CDH12: variants seen among roughly 807,000 people sequenced by gnomAD.
The protein encoded by CDH12 is cadherin 12.
Under a neutral mutation model 74.1 loss-of-function variants are expected in CDH12, and 41 were observed. That is an observed-to-expected ratio of 0.55 (90% CI 0.43 to 0.72). The LOEUF is 0.72. CDH12 is among the 30% of genes least tolerant of loss of function. CDH12 has a pLI of 0.00. For synonymous variants in CDH12, 399 were observed against 355.0 expected (o/e 1.12, Z -1.39); for missense variants, 945 against 977.2 (o/e 0.97, Z 0.44).
At chr5:21,804,643 A>AACACACACACAC (rs11281181) in intron 9 of CDH12, among the ~76,000 whole-genome samples, 42 of 115,364 alleles carry the variant, frequency 3.6e-4, no homozygotes, top group African/African-American at 1.3e-3. Context: ...AGTGAATTAA[A>AACACACACACAC]ACACACACAC....
intron 6 of CDH12, among the ~76,000 whole-genome samples, chr5:21,923,046 A>G (rs1362660256): frequency 1.3e-5 from 2 of 152,070 alleles, no homozygotes; most frequent in Non-Finnish European, 2.9e-5. Context: ...CAATTTAAAC[A>G]CATATTTAAG....
intron 5 of CDH12, among the ~76,000 whole-genome samples, chr5:22,035,488 A>G (rs961249776): frequency 6.6e-5 from 10 of 152,052 alleles, no homozygotes; most frequent in African/African-American, 2.4e-4. Flanking sequence ...AAAACTGTAA[A>G]TAACTACATA....
At chr5:22,842,423 C>T (rs1169750097) in intron 1 of CDH12, among the ~76,000 whole-genome samples, 1 of 151,970 alleles carries the variant, frequency 6.6e-6, no homozygotes, top group Non-Finnish European at 1.5e-5. Flanking sequence ...ACATGGCTGC[C>T]CATGAAAGAC....
intron 4 of CDH12, among the ~76,000 whole-genome samples, chr5:22,183,878 C>T (rs1461472731): frequency 6.6e-6 from 1 of 152,090 alleles, no homozygotes; most frequent in African/African-American, 2.4e-5. Context: ...AATATCCCCC[C>T]AAAGCAAGAG....
intron 6 of CDH12, among the ~76,000 whole-genome samples, chr5:21,857,809 C>T (rs1216288289): frequency 6.6e-6 from 1 of 151,768 alleles, no homozygotes; most frequent in Admixed American, 6.6e-5. Flanking sequence ...GCTGGGTGTC[C>T]TAAACAATAG....
chr5:22,844,378 A>G (rs949028616), intron 1 of CDH12, among the ~76,000 whole-genome samples: 1 of 152,110 alleles, frequency 6.6e-6, no homozygotes, highest in Non-Finnish European at 1.5e-5. Flanking sequence ...ATGATCCATC[A>G]TTAACCTAAG....
intron 5 of CDH12, among the ~76,000 whole-genome samples, chr5:22,072,248 G>A (rs569105540): frequency 2.6e-5 from 4 of 152,144 alleles, no homozygotes; most frequent in South Asian, 4.1e-4. Context: ...CTGGGTATGA[G>A]AATTGAACCT....
chr5:22,275,548 G>T (rs1369744440), intron 3 of CDH12, among the ~76,000 whole-genome samples: 6 of 152,076 alleles, frequency 3.9e-5, no homozygotes, highest in Non-Finnish European at 7.4e-5. Context: ...CATGGTAGTT[G>T]AATATTGGGG....
At chr5:22,091,195 GTGTATA>G (rs1302594929) in intron 4 of CDH12, among the ~76,000 whole-genome samples, 5,900 of 132,120 alleles carry the variant, frequency 0.045, 292 homozygotes, top group African/African-American at 0.14. Context: ...GTGTGTGTGT[GTGTATA>G]TATATATATA....
At chr5:22,468,750 C>G (rs1025580633) in intron 2 of CDH12, among the ~76,000 whole-genome samples, 3 of 151,954 alleles carry the variant, frequency 2.0e-5, no homozygotes, top group African/African-American at 7.3e-5. Flanking sequence ...TAAGTAGATA[C>G]AGCTATTGTC....
intron 1 of CDH12, among the ~76,000 whole-genome samples, chr5:22,536,688 C>G (rs1580744309): frequency 6.6e-6 from 1 of 152,256 alleles, no homozygotes; most frequent in Admixed American, 6.5e-5. Context: ...ATTTAGAAAA[C>G]ATACATAGCT....
chr5:22,333,077 C>G (rs1739415915), intron 3 of CDH12, among the ~76,000 whole-genome samples: 1 of 152,044 alleles, frequency 6.6e-6, no homozygotes, highest in Admixed American at 6.5e-5. Flanking sequence ...AAATGCTCTT[C>G]AATGATAGGC....
intron 2 of CDH12, among the ~76,000 whole-genome samples, chr5:22,454,994 GAATGAAGAAGTAGAAGA>G (rs1745206546): frequency 6.6e-6 from 1 of 152,202 alleles, no homozygotes; most frequent in Admixed American, 6.5e-5. Flanking sequence ...CCATGTGAAG[GAATGAAGAAGTAGAAGA>G]AAATGATACC....
At chr5:22,850,241 A>G (rs950928873) in intron 1 of CDH12, among the ~76,000 whole-genome samples, 5 of 152,186 alleles carry the variant, frequency 3.3e-5, no homozygotes, top group African/African-American at 1.2e-4. Flanking sequence ...TATTCAATAC[A>G]GGCAGCATAG....
intron 5 of CDH12, among the ~76,000 whole-genome samples, chr5:22,017,223 C>A (rs968274613): frequency 5.3e-5 from 8 of 152,060 alleles, no homozygotes; most frequent in African/African-American, 1.9e-4. Flanking sequence ...GACAGACCAC[C>A]CTGAAGGCTT....
At chr5:22,079,490 A>G (rs1742572046) in intron 4 of CDH12, among the ~76,000 whole-genome samples, 1 of 152,212 alleles carries the variant, frequency 6.6e-6, no homozygotes, top group South Asian at 2.1e-4. Flanking sequence ...CTAAAGAACA[A>G]GATAAATTAT....
intron 4 of CDH12, among the ~76,000 whole-genome samples, chr5:22,096,203 T>C (rs1329829615): frequency 6.6e-6 from 1 of 152,174 alleles, no homozygotes; most frequent in Non-Finnish European, 1.5e-5. Context: ...TCAATGCTGC[T>C]TGACCCCAAT....
chr5:22,793,747 T>G (rs1748041717), intron 1 of CDH12, among the ~76,000 whole-genome samples: 1 of 150,440 alleles, frequency 6.6e-6, no homozygotes, highest in Admixed American at 6.7e-5. Context: ...CCCGCACTCT[T>G]TAACTGTTTT....
intron 3 of CDH12, among the ~76,000 whole-genome samples, chr5:22,396,346 A>G (rs1742458089): frequency 6.6e-6 from 1 of 152,062 alleles, no homozygotes; most frequent in Admixed American, 6.6e-5. Context: ...CTGTGGAGCA[A>G]AGGAGACTTT....
Sources: allele counts gnomAD v4.1 joint callset (sites outside exome capture counted in the v4.1 genomes callset), GRCh38; gene constraint gnomAD v4.1.1; transcripts MANE v1.5; gene names NCBI Gene and HGNC (gene_info 2026-07-23, HGNC 2026-07-21).